The following ADGRV1 variants were observed in gnomAD, a reference collection of about 807,000 sequenced individuals.
The protein encoded by ADGRV1 is G-protein coupled receptor 98.
Under a neutral mutation model 596.2 loss-of-function variants are expected in ADGRV1, and 359 were observed. The ratio of observed to expected loss-of-function variants is 0.60; its 90% CI spans 0.55 to 0.66. The LOEUF (loss-of-function observed/expected upper bound fraction) is 0.66, where lower values mean the gene tolerates loss of function less well. Ranked by LOEUF, ADGRV1 falls within the 30% of genes least tolerant of loss-of-function variation. The pLI, the probability that ADGRV1 is intolerant of heterozygous loss-of-function variation, is 0.00. For missense variants in ADGRV1, 7,274 were observed against 7,575.6 expected (o/e 0.96, Z 1.48); for synonymous variants, 2,681 against 2,679.2 (o/e 1.00, Z -0.02).
rs150055007 is a variant in ADGRV1 at position 91,013,768 on chromosome 5, A to G, written c.18152+28246A>G. Reference sequence around the variant, plus strand: ...TGAGATTGCTGTTGTTGTCTTTGTCATGTAATCTTTGCTATTTCTATGTGT... The same window carrying G: ...TGAGATTGCTGTTGTTGTCTTTGTCGTGTAATCTTTGCTATTTCTATGTGT... On this transcript the variant is annotated intron_variant, in intron 85 of 89. Transcript: ENST00000405460. 3.2e-3 allele frequency among the ~76,000 whole-genome samples: 486 copies of G among 152,064 alleles called. 3 individuals carry two copies. The highest frequency in any genetic ancestry group is 0.011 in the African/African-American group (447 of 41,502).
At chr5:90,961,507 A>AG (rs35919894) in intron 83 of ADGRV1, among the ~76,000 whole-genome samples, 10,997 of 79,896 alleles carry the variant, frequency 0.14, 1,344 homozygotes, top group Non-Finnish European at 0.18. Flanking sequence ...AAAAAAAAAA[A>AG]GGGGGGGTGG....
intron 78 of ADGRV1, among the ~76,000 whole-genome samples, chr5:90,845,355 CTGAG>C (rs150477690): frequency 0.025 from 3,861 of 152,204 alleles, 175 homozygotes; most frequent in African/African-American, 0.088. Flanking sequence ...CCTGTACTAA[CTGAG>C]TATTATAGAA....
chr5:90,733,166 A>G (rs956165184), intron 50 of ADGRV1, among the ~76,000 whole-genome samples: 1 of 152,238 alleles, frequency 6.6e-6, no homozygotes, highest in African/African-American at 2.4e-5. Context: ...AAGAGAAGTT[A>G]GAAATGAAGA....
intron 4 of ADGRV1, among the ~76,000 whole-genome samples, chr5:90,621,609 C>G (rs1395119543): frequency 6.6e-6 from 1 of 152,122 alleles, no homozygotes; most frequent in East Asian, 1.9e-4. Flanking sequence ...TTAAAGGTTT[C>G]TTTTGTTGTT....
chr5:90,976,232 A>ATATG (rs1562031147), intron 84 of ADGRV1, among the ~76,000 whole-genome samples: 1 of 147,584 alleles, frequency 6.8e-6, no homozygotes, highest in African/African-American at 2.5e-5. Context: ...ATATATATAT[A>ATATG]TACACAATGT....
At chr5:90,970,229 G>A (rs1288035863) in intron 84 of ADGRV1, among the ~76,000 whole-genome samples, 1 of 152,198 alleles carries the variant, frequency 6.6e-6, no homozygotes, top group African/African-American at 2.4e-5. Flanking sequence ...CAGCAGGGAA[G>A]CTCGTACTGG....
chr5:90,783,442 A>G, intron 66 of ADGRV1, 117 bp downstream of exon 66: 1 of 755,780 alleles, frequency 1.3e-6, no homozygotes, highest in Non-Finnish European at 2.2e-6. Context: ...TTGGAAAACA[A>G]CAGGTGAAAT....
Position 90,577,974 on chromosome 5 carries a change from C to T in ADGRV1, c.22+19057C>T, listed in dbSNP as rs1447803273. 9.2e-5 allele frequency among the ~76,000 whole-genome samples: 14 copies of T among 152,178 alleles called. No individual in the cohort carries two copies. The East Asian group carries it at 2.7e-3, about 29-fold the overall frequency. ...TGCACACGGATTTTGTATCCTGAGA[C>T]TTTGCTGAAGTTGCTTATCAGCTTA... On this transcript the variant is annotated intron_variant, in intron 1 of 89. Coordinates refer to ENST00000405460, the MANE Select transcript of ADGRV1 (RefSeq NM_032119.4).
intron 86 of ADGRV1, among the ~76,000 whole-genome samples, chr5:91,081,471 T>A (rs1789371663): frequency 6.6e-6 from 1 of 152,052 alleles, no homozygotes; most frequent in African/African-American, 2.4e-5. Context: ...ATGACAATCA[T>A]TAGGCTATAG....
chr5:90,570,276 G>A lies in ADGRV1; in HGVS notation c.22+11359G>A, dbSNP rs1295441576. On this transcript the variant is annotated intron_variant, in intron 1 of 89. Transcript: ENST00000405460. Reference sequence around the variant, plus strand: ...TACATCACTGCCTTCTAGCCTCCTAGGCTAGAGGAGAAATCAGATATTAAT... The same window carrying A: ...TACATCACTGCCTTCTAGCCTCCTAAGCTAGAGGAGAAATCAGATATTAAT... Among the ~76,000 whole-genome samples, 3 of 152,068 alleles carry A rather than the reference G, an allele frequency of 2.0e-5. No individual in the cohort carries two copies. The East Asian group carries it at 5.8e-4, about 29-fold the overall frequency.
At chr5:90,772,846 A>G (rs1757835687) in intron 59 of ADGRV1, among the ~76,000 whole-genome samples, 1 of 152,190 alleles carries the variant, frequency 6.6e-6, no homozygotes, top group Non-Finnish European at 1.5e-5. Context: ...TATAAAGGCA[A>G]ACAATGGAAT....
intron 85 of ADGRV1, among the ~76,000 whole-genome samples, chr5:91,038,202 C>T (rs924407151): frequency 9.9e-5 from 15 of 152,224 alleles, no homozygotes; most frequent in African/African-American, 3.6e-4. Flanking sequence ...AATGAAGGAA[C>T]CCTGTATTAT....
intron 77 of ADGRV1, among the ~76,000 whole-genome samples, chr5:90,836,788 T>A (rs1765007660): frequency 6.6e-6 from 1 of 152,214 alleles, no homozygotes. Flanking sequence ...AATCTGCAAT[T>A]ATGTCAGAAT....
At chr5:90,763,175 C>A in intron 58 of ADGRV1, 130 bp from the exon 59 acceptor site, 1 of 866,580 alleles carries the variant, frequency 1.2e-6, no homozygotes, top group Non-Finnish European at 1.6e-6. Flanking sequence ...TTTTCTGCCA[C>A]ATGATAATTA....
intron 21 of ADGRV1, among the ~76,000 whole-genome samples, chr5:90,661,895 T>C (rs1770353959): frequency 6.6e-6 from 1 of 152,192 alleles, no homozygotes; most frequent in African/African-American, 2.4e-5. Context: ...TATTAATAAT[T>C]ACATACCGGA....
chr5:90,797,880 T>C (rs1332830613), intron 70 of ADGRV1, among the ~76,000 whole-genome samples: 3 of 152,026 alleles, frequency 2.0e-5, no homozygotes, highest in Admixed American at 2.0e-4. Flanking sequence ...TTGAAACCAA[T>C]GAGAACAAAG....
Position 90,716,521 on chromosome 5 carries a change from A to T in ADGRV1, c.9239A>T (p.Asn3080Ile). Residue 3080 changes from asparagine to isoleucine, a missense_variant, in exon 43 of 90, where the codon AAC becomes ATC. This residue lies in a region of ADGRV1 where 3,643 missense variants were observed against 3,809.2 expected (regional missense o/e 0.96). Transcript: ENST00000405460. ...GGCCCTGGAGTTCTATCATTTAACA[A>T]CAGTGAGCACTTTTTCCTAAGAGAG... is the stretch of plus-strand genomic sequence containing the variant. ...DDGPGVLSFN[N>I]SEHFFLREPT... 6.2e-7 allele frequency: 1 copy of T among 1,611,716 alleles called. No homozygotes were observed. Among genetic ancestry groups the T allele is most frequent in the Non-Finnish European group, 8.5e-7 (1 of 1,178,498 alleles).
At chr5:90,666,727 A>G (rs2149513095) in intron 21 of ADGRV1, among the ~76,000 whole-genome samples, 1 of 151,564 alleles carries the variant, frequency 6.6e-6, no homozygotes, top group Admixed American at 6.6e-5. Context: ...ACATTTTGGC[A>G]TGATTTTGCA....
In ADGRV1 at chr5:90,848,699, T is replaced by C. The variant is rs1766162732; in HGVS notation, c.17082T>C (p.Ile5694=). 1 of 1,586,564 alleles carries C rather than the reference T, an allele frequency of 6.3e-7. No individual in the cohort carries two copies. The highest frequency in any genetic ancestry group is 1.8e-5 in the Admixed American group (1 of 55,402). Residue 5694 remains isoleucine, a synonymous_variant, in exon 79 of 90, where the codon ATT becomes ATC. Transcript: ENST00000405460. The part of the protein sequence containing the change: ...SVASRTLFYE[I]LCSLINPKRK... ...CCAGCCGAACTCTTTTCTATGAGAT[T>C]CTTTGTTCTCTTATTAACCCAAAGC...
Sources: allele counts gnomAD v4.1 joint callset (sites outside exome capture counted in the v4.1 genomes callset), GRCh38; gene constraint gnomAD v4.1.1; regional missense constraint gnomAD v4.1.1; transcripts MANE v1.5; gene names NCBI Gene and HGNC (gene_info 2026-07-23, HGNC 2026-07-21).